EPHB2: variants seen among roughly 807,000 people sequenced by gnomAD.
EPHB2 encodes the protein ephrin type-B receptor 2.
Under a neutral mutation model 96.4 loss-of-function variants are expected in EPHB2, and 18 were observed. The observed-to-expected ratio is 0.19, with a 90% CI of 0.13 to 0.28. The LOEUF (loss-of-function observed/expected upper bound fraction) is 0.28, where lower values mean the gene tolerates loss of function less well. Ranked by LOEUF, EPHB2 falls within the 10% of genes least tolerant of loss-of-function variation. The probability of loss-of-function intolerance (pLI) is 1.00; values close to 1 mark genes in which losing one functional copy is unlikely to be tolerated. For synonymous variants in EPHB2, 506 were observed against 534.1 expected (o/e 0.95, Z 0.72); for missense variants, 989 against 1,355.4 (o/e 0.73, Z 4.25).
chr1:22,787,682 G>A (rs1348000153), intron 3 of EPHB2, among the ~76,000 whole-genome samples: 1 of 152,192 alleles, frequency 6.6e-6, no homozygotes, highest in African/African-American at 2.4e-5. Context: ...GCTTGAGGCT[G>A]TAGTGGGCTA....
intron 6 of EPHB2, among the ~76,000 whole-genome samples, chr1:22,887,881 A>G (rs1639275702): frequency 6.6e-6 from 1 of 152,182 alleles, no homozygotes; most frequent in Admixed American, 6.5e-5. Context: ...GGGTGAAACT[A>G]TGAAAGTTCA....
chr1:22,808,728 C>T (rs974588092), intron 3 of EPHB2, among the ~76,000 whole-genome samples: 6 of 152,232 alleles, frequency 3.9e-5, no homozygotes, highest in African/African-American at 9.6e-5. Context: ...CCTTATGACA[C>T]GGGTATTAAT....
chr1:22,873,672 C>T (rs760535099), intron 5 of EPHB2, among the ~76,000 whole-genome samples: 3 of 146,556 alleles, frequency 2.0e-5, no homozygotes, highest in Non-Finnish European at 3.0e-5. Context: ...CTCCGTGGAG[C>T]CATCAGAGAT....
intron 1 of EPHB2, among the ~76,000 whole-genome samples, chr1:22,763,796 G>A (rs1258022357): frequency 6.6e-6 from 1 of 152,114 alleles, no homozygotes; most frequent in Non-Finnish European, 1.5e-5. Flanking sequence ...ATGGCCAGCG[G>A]GGGGTGAAGG....
intron 5 of EPHB2, among the ~76,000 whole-genome samples, chr1:22,871,679 C>T (rs954706420): frequency 1.3e-5 from 2 of 152,238 alleles, no homozygotes; most frequent in Admixed American, 6.5e-5. Flanking sequence ...AACCTAGCAA[C>T]TTAACACAAT....
At chr1:22,901,731 G>A (rs891665478) in intron 9 of EPHB2, among the ~76,000 whole-genome samples, 1 of 152,180 alleles carries the variant, frequency 6.6e-6, no homozygotes, top group East Asian at 1.9e-4. Flanking sequence ...GGTTACAAGT[G>A]GAGACTCTGT....
At chr1:22,805,154 T>C (rs554356707) in intron 3 of EPHB2, among the ~76,000 whole-genome samples, 75 of 151,382 alleles carry the variant, frequency 5.0e-4, no homozygotes, top group African/African-American at 1.8e-3. Context: ...GGATGAGCCA[T>C]GCACCCGGAG....
intron 9 of EPHB2, among the ~76,000 whole-genome samples, chr1:22,896,745 T>G: frequency 6.6e-6 from 1 of 152,096 alleles, no homozygotes; most frequent in Non-Finnish European, 1.5e-5. Context: ...CAAGCAGCCT[T>G]CCCCGACCCC....
In EPHB2 at chr1:22,784,671, G is replaced by T. The variant is rs772397371; in HGVS notation, c.406G>T (p.Val136Leu). 6.2e-7 allele frequency: 1 copy of T among 1,614,088 alleles called. No homozygotes were observed. Among genetic ancestry groups the T allele is most frequent in the South Asian group, 1.1e-5 (1 of 91,074 alleles). ...CCCCAACTGGATGGAGAATCCATGG[G>T]TGAAGGTGGATACCATTGCAGCCGA... ...TFPNWMENPW[V>L]KVDTIAADES... The change falls in exon 3 of 16, where the codon GTG becomes TTG. Residue 136 changes from valine (V) to leucine (L), a missense_variant. By Grantham distance (32) the Val-to-Leu change is conservative. Transcript: ENST00000374630. This position sits in a 1 kb window ranked among gnomAD's most constrained non-coding sequence, Gnocchi z 5.1.
chr1:22,781,212 C>A (rs1244021809), intron 1 of EPHB2, among the ~76,000 whole-genome samples: 1 of 150,992 alleles, frequency 6.6e-6, no homozygotes, highest in Admixed American at 6.6e-5. Context: ...CCCAGCTACT[C>A]GGGAGGCTGA....
At chr1:22,891,638 C>A (rs1224265495) in intron 6 of EPHB2, among the ~76,000 whole-genome samples, 3 of 152,234 alleles carry the variant, frequency 2.0e-5, no homozygotes, top group Non-Finnish European at 4.4e-5. Context: ...GATCTTTGTC[C>A]TGTCCTAGAT....
intron 4 of EPHB2, 53 bp from the exon 5 acceptor site, chr1:22,864,824 G>A (rs2148526970): frequency 1.6e-6 from 2 of 1,240,710 alleles, no homozygotes; most frequent in South Asian, 2.8e-5. Context: ...TGGTCACATG[G>A]GGAATAGTAC....
intron 1 of EPHB2, among the ~76,000 whole-genome samples, chr1:22,718,952 T>C (rs1209905898): frequency 6.6e-6 from 1 of 152,168 alleles, no homozygotes; most frequent in Non-Finnish European, 1.5e-5. Flanking sequence ...TTGGCTCTGA[T>C]GAGGGTCTCT....
intron 4 of EPHB2, 30 bp downstream of exon 4, chr1:22,863,222 G>A (rs111569109): frequency 6.2e-7 from 1 of 1,613,884 alleles, no homozygotes; most frequent in African/African-American, 1.3e-5. Context: ...AAGGGCGATG[G>A]CTGGCCGAGT....
intron 1 of EPHB2, among the ~76,000 whole-genome samples, chr1:22,719,130 G>A (rs544398506): frequency 9.9e-5 from 15 of 152,226 alleles, no homozygotes; most frequent in Non-Finnish European, 1.6e-4. Flanking sequence ...TGTAAGGGGC[G>A]CCTCCACAGA....
chr1:22,731,234 G>A (rs999731691), intron 1 of EPHB2, among the ~76,000 whole-genome samples: 3 of 152,178 alleles, frequency 2.0e-5, no homozygotes, highest in Non-Finnish European at 4.4e-5. Context: ...ATTCTGGCGG[G>A]GGGAATGGAG....
At chr1:22,720,663 C>CCCGCG (rs1553157965) in intron 1 of EPHB2, among the ~76,000 whole-genome samples, 1 of 99,194 alleles carries the variant, frequency 1.0e-5, no homozygotes, top group Non-Finnish European at 2.2e-5. Context: ...ATCTCATTCC[C>CCCGCG]CCCCCCCCCC....
At chr1:22,767,709 C>T (rs1644326384) in intron 1 of EPHB2, among the ~76,000 whole-genome samples, 1 of 152,180 alleles carries the variant, frequency 6.6e-6, no homozygotes, top group Admixed American at 6.5e-5. Flanking sequence ...GCCCCTCTTC[C>T]CCCTGTGTCT....
At chr1:22,753,044 G>A (rs1282117459) in intron 1 of EPHB2, among the ~76,000 whole-genome samples, 1 of 152,002 alleles carries the variant, frequency 6.6e-6, no homozygotes, top group Non-Finnish European at 1.5e-5. Context: ...GCCTCCCAAA[G>A]TGCTGGGACT....
Sources: allele counts gnomAD v4.1 joint callset (sites outside exome capture counted in the v4.1 genomes callset), GRCh38; gene constraint gnomAD v4.1.1; non-coding constraint Gnocchi (gnomAD v3.1); transcripts MANE v1.5; gene names NCBI Gene and HGNC (gene_info 2026-07-23, HGNC 2026-07-21).